Variants in KCND3 observed in about 807,000 individuals in gnomAD.
KCND3 encodes the protein potassium voltage-gated channel subfamily D member 3.
Under a neutral mutation model 51.1 loss-of-function variants are expected in KCND3, and 9 were observed. The ratio of observed to expected loss-of-function variants is 0.18; its 90% confidence interval spans 0.11 to 0.31. The LOEUF is 0.31. KCND3 is among the 10% of genes least tolerant of loss of function. KCND3 has a pLI of 1.00. For synonymous variants in KCND3, 349 were observed against 368.0 expected, an observed-to-expected ratio of 0.95 and a Z score of 0.59; for missense variants, 526 against 903.8, an observed-to-expected ratio of 0.58 and a Z score of 5.36.
intron 2 of KCND3, among the ~76,000 whole-genome samples, chr1:111,900,764 C>T (rs1435115435): frequency 6.6e-6 from 1 of 152,142 alleles, no homozygotes; most frequent in Non-Finnish European, 1.5e-5. Flanking sequence ...CGAGACCAGC[C>T]TGGCCAACAT....
chr1:111,781,790 A>G (rs1327018644), intron 3 of KCND3, among the ~76,000 whole-genome samples: 1 of 152,196 alleles, frequency 6.6e-6, no homozygotes, highest in East Asian at 1.9e-4. Flanking sequence ...TTGCACAGGG[A>G]GAAGCTGAAC....
At chr1:111,777,915 GCTAA>G (rs1215961404) in intron 6 of KCND3, among the ~76,000 whole-genome samples, 2 of 152,194 alleles carry the variant, frequency 1.3e-5, no homozygotes, top group African/African-American at 4.8e-5. Flanking sequence ...GGAAGGGATT[GCTAA>G]CTGTCTCCTG....
chr1:111,801,499 G>C (rs1444136057), intron 2 of KCND3, among the ~76,000 whole-genome samples: 2 of 152,212 alleles, frequency 1.3e-5, no homozygotes, highest in Non-Finnish European at 2.9e-5. Context: ...TGTGGCTCCA[G>C]CTGGGACGTG....
intron 2 of KCND3, among the ~76,000 whole-genome samples, chr1:111,790,536 T>G (rs1388127069): frequency 6.6e-6 from 1 of 152,238 alleles, no homozygotes; most frequent in Non-Finnish European, 1.5e-5. Flanking sequence ...AACCAATGAC[T>G]TCCTTTCCTG....
intron 2 of KCND3, among the ~76,000 whole-genome samples, chr1:111,882,257 T>TG (rs1173719070): frequency 6.6e-6 from 1 of 152,124 alleles, no homozygotes; most frequent in Admixed American, 6.5e-5. Flanking sequence ...AGAGGTCCAA[T>TG]GGGGAAATCG....
At chr1:111,826,536 A>G (rs1666582406) in intron 2 of KCND3, among the ~76,000 whole-genome samples, 1 of 152,180 alleles carries the variant, frequency 6.6e-6, no homozygotes, top group South Asian at 2.1e-4. Context: ...ACATACAAAG[A>G]CATGCAGGTC....
chr1:111,970,870 T>A (rs1470943179), intron 2 of KCND3, among the ~76,000 whole-genome samples: 3 of 152,226 alleles, frequency 2.0e-5, no homozygotes, highest in African/African-American at 7.2e-5. Context: ...GTCAGCTCCA[T>A]GCATGTTTGC....
chr1:111,837,803 G>A (rs970782504), intron 2 of KCND3, among the ~76,000 whole-genome samples: 1 of 152,126 alleles, frequency 6.6e-6, no homozygotes, highest in South Asian at 2.1e-4. Flanking sequence ...TACTACCCTC[G>A]CCCCTCTAGA....
At chr1:111,864,619 A>C (rs1261043848) in intron 2 of KCND3, among the ~76,000 whole-genome samples, 1 of 151,946 alleles carries the variant, frequency 6.6e-6, no homozygotes, top group Admixed American at 6.6e-5. Context: ...TCTGCTCCAG[A>C]CCCCAATCAT....
intron 2 of KCND3, among the ~76,000 whole-genome samples, chr1:111,866,253 CTTTT>C (rs1668560910): frequency 3.2e-5 from 2 of 62,846 alleles, no homozygotes; most frequent in Non-Finnish European, 3.3e-5. Flanking sequence ...TTCTTTCTTT[CTTTT>C]CTTTTCTTTT....
At chr1:111,852,043 C>G (rs1667841383) in intron 2 of KCND3, among the ~76,000 whole-genome samples, 1 of 152,226 alleles carries the variant, frequency 6.6e-6, no homozygotes, top group South Asian at 2.1e-4. Flanking sequence ...GTGGAGGTCA[C>G]AAAATACGTG....
chr1:111,776,197 G>A lies in KCND3; in HGVS notation c.1848C>T (p.Ser616=). The A allele has an allele frequency of 6.2e-7, 1 of 1,614,244 alleles. No homozygotes were observed. The highest frequency in any genetic ancestry group is 1.1e-5 in the South Asian group (1 of 91,090). Residue 616 remains serine, a synonymous_variant, in exon 8 of 8, where the codon AGC becomes AGT. Transcript: ENST00000302127. ...GGGTTAGCGCTGGGGGAGTGGGGAT[G>A]CTGATGATGGCTGTGGTGATCTGGG... is the stretch of plus-strand genomic sequence containing the variant. ...KTSQITTAII[S]IPTPPALTPE...
chr1:111,878,306 A>AAT (rs1323288104), intron 2 of KCND3, among the ~76,000 whole-genome samples: 4 of 152,250 alleles, frequency 2.6e-5, no homozygotes, highest in African/African-American at 9.6e-5. Flanking sequence ...TGCCAGCCAC[A>AAT]ATATGGCCTG....
chr1:111,912,256 GAT>G (rs1670987764), intron 2 of KCND3, among the ~76,000 whole-genome samples: 1 of 152,224 alleles, frequency 6.6e-6, no homozygotes, highest in Non-Finnish European at 1.5e-5. Context: ...GGTCTCATAA[GAT>G]TATAAAAGAG....
chr1:111,890,769 T>C (rs1261938489), intron 2 of KCND3, among the ~76,000 whole-genome samples: 2 of 152,048 alleles, frequency 1.3e-5, no homozygotes, highest in Non-Finnish European at 1.5e-5. Flanking sequence ...TGGGTAGACC[T>C]GGAGAGTGTG....
intron 2 of KCND3, among the ~76,000 whole-genome samples, chr1:111,957,843 C>T (rs1016630059): frequency 6.6e-6 from 1 of 152,170 alleles, no homozygotes; most frequent in Non-Finnish European, 1.5e-5. Context: ...TGTTGAATAG[C>T]TGAGAATATA....
At chr1:111,847,038 C>T (rs1341940545) in intron 2 of KCND3, among the ~76,000 whole-genome samples, 1 of 152,186 alleles carries the variant, frequency 6.6e-6, no homozygotes, top group African/African-American at 2.4e-5. Flanking sequence ...CCAGTCTTGG[C>T]AAATATCTAC....
chr1:111,904,880 C>A (rs1288508769), intron 2 of KCND3, among the ~76,000 whole-genome samples: 1 of 152,178 alleles, frequency 6.6e-6, no homozygotes, highest in Non-Finnish European at 1.5e-5. Flanking sequence ...ACTTGGGCCA[C>A]CACCCTCGGG....
chr1:111,862,587 T>TA (rs1668385432), intron 2 of KCND3, among the ~76,000 whole-genome samples: 1 of 152,228 alleles, frequency 6.6e-6, no homozygotes, highest in African/African-American at 2.4e-5. Flanking sequence ...TACCCTTTAA[T>TA]CAGTGTAGGA....
Sources: allele counts gnomAD v4.1 joint callset (sites outside exome capture counted in the v4.1 genomes callset), GRCh38; gene constraint gnomAD v4.1.1; transcripts MANE v1.5; gene names NCBI Gene and HGNC (gene_info 2026-07-23, HGNC 2026-07-21).